Variants in SPOPL observed in about 807,000 individuals in gnomAD.
The protein encoded by SPOPL is speckle type BTB/POZ protein like, also known as speckle-type POZ protein-like.
Under a neutral mutation model 53.8 loss-of-function variants are expected in SPOPL, and 23 were observed. The ratio of observed to expected loss-of-function variants is 0.43; its 90% confidence interval spans 0.31 to 0.61. The LOEUF (loss-of-function observed/expected upper bound fraction) is 0.61. Among genes scored for constraint, SPOPL ranks in the 20% least tolerant of loss-of-function variants. The pLI is 0.12. For missense variants in SPOPL, 442 were observed against 466.9 expected, an observed-to-expected ratio of 0.95 and a Z score of 0.49; for synonymous variants, 164 against 149.7, an observed-to-expected ratio of 1.10 and a Z score of -0.70.
chr2:138,559,289 T>G lies in SPOPL; in HGVS notation c.666T>G (p.Ser222=). The G allele has an allele frequency of 6.2e-7, 1 of 1,613,022 alleles. No homozygotes were observed. Among genetic ancestry groups the G allele is most frequent in the South Asian group, 1.1e-5 (1 of 90,758 alleles). The part of the protein sequence containing the change: ...KAHKSVLAAR[S]PVFNAMFEHE... ...TACATAATCTTGTTACAGCTCGATC[T>G]CCAGTTTTTAACGCCATGTTTGAAC... Residue 222 remains serine (S), a synonymous_variant, in exon 7 of 11, where the codon TCT becomes TCG. Transcript: ENST00000280098.
chr2:138,531,686 A>G (rs1251264800), intron 1 of SPOPL, among the ~76,000 whole-genome samples: 1 of 152,096 alleles, frequency 6.6e-6, no homozygotes, highest in Non-Finnish European at 1.5e-5. Context: ...TGTTTAGTCT[A>G]TTCAACTTAT....
At chr2:138,523,121 G>A (rs1447156815) in intron 1 of SPOPL, among the ~76,000 whole-genome samples, 3 of 152,124 alleles carry the variant, frequency 2.0e-5, no homozygotes, top group Admixed American at 6.5e-5. Context: ...ACCTGAGACC[G>A]GGCAGTTTAC....
Position 138,522,248 on chromosome 2 carries a change from A to G in SPOPL, c.-61+20129A>G, listed in dbSNP as rs116684463. Among the ~76,000 whole-genome samples the G allele has an allele frequency of 9.6e-4, 146 of 152,288 alleles. 1 individual carries two copies. In the Middle Eastern group the frequency reaches 0.014, roughly 14 times the overall value. On this transcript the variant is annotated intron_variant, in intron 1 of 10. Transcript: ENST00000280098. ...GCTTTAGGACCACATGAAATTGCCA[A>G]TATTCTGCCTTTGACATACAAAAAT...
At chr2:138,564,600 C>G (rs1685618894) in intron 8 of SPOPL, 108 bp from the exon 9 acceptor site, 1 of 1,217,686 alleles carries the variant, frequency 8.2e-7, no homozygotes, top group Non-Finnish European at 1.1e-6. Flanking sequence ...TTAAAATAAT[C>G]TTAAATAATA....
intron 1 of SPOPL, among the ~76,000 whole-genome samples, chr2:138,546,269 A>G (rs929862471): frequency 6.6e-6 from 1 of 152,210 alleles, no homozygotes. Flanking sequence ...AGACTAGTTT[A>G]TATGATGGAA....
chr2:138,559,066 T>C lies in SPOPL; in HGVS notation c.525T>C (p.Asn175=). ...QDSVNISGHT[N]TNTLKVPECR... Reference sequence around the variant, plus strand: ...CAGTAAACATATCAGGACATACTAATACAAATACTTTGAAGGTGCCTGAGT... The same window carrying C: ...CAGTAAACATATCAGGACATACTAACACAAATACTTTGAAGGTGCCTGAGT... Residue 175 remains asparagine, a synonymous_variant, in exon 6 of 11, where the codon AAT becomes AAC. Transcript: ENST00000280098. 6.2e-7 allele frequency: 1 copy of C among 1,613,336 alleles called. No individual in the cohort carries two copies. Among genetic ancestry groups the C allele is most frequent in the African/African-American group, 1.3e-5 (1 of 75,036 alleles).
Position 138,539,744 on chromosome 2 carries a change from C to G in SPOPL, c.-60-10413C>G, listed in dbSNP as rs577683310. On this transcript the variant is annotated intron_variant, in intron 1 of 10. Coordinates refer to ENST00000280098, the MANE Select transcript of SPOPL (RefSeq NM_001001664.3). ...TAGTTTCTTTTGCTGTCCAGAAGCT[C>G]TTTAGTTTAATTAGATCCCATTTGT... Among the ~76,000 whole-genome samples, 38 of 152,286 alleles carry G rather than the reference C, an allele frequency of 2.5e-4. No homozygotes were observed. The South Asian group carries it at 7.5e-3, about 30-fold the overall frequency.
At chr2:138,524,360 A>G (rs1012232472) in intron 1 of SPOPL, among the ~76,000 whole-genome samples, 1 of 152,138 alleles carries the variant, frequency 6.6e-6, no homozygotes, top group African/African-American at 2.4e-5. Flanking sequence ...CAGGCCTGAG[A>G]TGGGAGGGGC....
intron 5 of SPOPL, among the ~76,000 whole-genome samples, chr2:138,554,975 T>G (rs1685390190): frequency 1.3e-5 from 2 of 152,160 alleles, no homozygotes; most frequent in Non-Finnish European, 2.9e-5. Context: ...AACAGAATTT[T>G]TATTGGCTCA....
chr2:138,516,601 A>C (rs1296495981), intron 1 of SPOPL, among the ~76,000 whole-genome samples: 1 of 151,968 alleles, frequency 6.6e-6, no homozygotes, highest in African/African-American at 2.4e-5. Flanking sequence ...TAGTGAAGAA[A>C]ACTGTGGAGG....
intron 1 of SPOPL, among the ~76,000 whole-genome samples, chr2:138,524,384 T>C (rs996567665): frequency 1.3e-5 from 2 of 152,238 alleles, no homozygotes; most frequent in African/African-American, 4.8e-5. Flanking sequence ...TGCAAAGGTC[T>C]CTGACATGCC....
At chr2:138,554,368 C>T in intron 5 of SPOPL, 3 of 926,910 alleles carry the variant, frequency 3.2e-6, no homozygotes, top group Non-Finnish European at 4.2e-6. Flanking sequence ...GCAAAAGGTA[C>T]TTTTAACTAA....
At chr2:138,527,674 C>T (rs979769225) in intron 1 of SPOPL, among the ~76,000 whole-genome samples, 30 of 152,214 alleles carry the variant, frequency 2.0e-4, no homozygotes, top group Middle Eastern at 3.4e-3. Flanking sequence ...TTTTTTTCTT[C>T]CCATTTTGGA....
intron 1 of SPOPL, among the ~76,000 whole-genome samples, chr2:138,509,566 C>T (rs1489746374): frequency 6.6e-6 from 1 of 151,826 alleles, no homozygotes; most frequent in African/African-American, 2.4e-5. Context: ...CTCCCCTCCT[C>T]GAACCCCCCA....
At chr2:138,537,654 G>A (rs985360425) in intron 1 of SPOPL, among the ~76,000 whole-genome samples, 11 of 152,168 alleles carry the variant, frequency 7.2e-5, no homozygotes, top group Non-Finnish European at 1.6e-4. Context: ...TCCTGTCACA[G>A]GAGGACATTG....
intron 8 of SPOPL, 174 bp from the exon 9 acceptor site, chr2:138,564,534 A>C (rs1030254529): frequency 1.4e-5 from 9 of 659,294 alleles, no homozygotes; most frequent in Non-Finnish European, 2.1e-5. Context: ...TCTTTCTTCT[A>C]AGTGCATTTG....
At chr2:138,512,948 C>G (rs1684358465) in intron 1 of SPOPL, among the ~76,000 whole-genome samples, 1 of 152,126 alleles carries the variant, frequency 6.6e-6, no homozygotes, top group African/African-American at 2.4e-5. Context: ...TTGTTTTAAT[C>G]CTCGTAACTA....
At chr2:138,512,567 T>G (rs1684348784) in intron 1 of SPOPL, among the ~76,000 whole-genome samples, 1 of 152,220 alleles carries the variant, frequency 6.6e-6, no homozygotes, top group African/African-American at 2.4e-5. Flanking sequence ...ATGATTTTGT[T>G]GGTTCACCTT....
Position 138,555,129 on chromosome 2 carries a change from AGGGTGT to A in SPOPL, c.480+2450_480+2455del, listed in dbSNP as rs1685393724. ...AGAGTGGGGGTTGTTGGAGGGTAGG[AGGGTGT>A]GTGTGTGTGTGTGTGTGTGTGTGTG... is the stretch of plus-strand genomic sequence containing the variant. On this transcript the variant is annotated intron_variant, in intron 5 of 10. Transcript: ENST00000280098. Among the ~76,000 whole-genome samples the A allele has an allele frequency of 4.9e-5, 3 of 60,944 alleles. No homozygotes were observed. In the South Asian group the frequency reaches 1.9e-3, roughly 38 times the overall value. 40.0% of individuals were successfully genotyped at this position (60,944 alleles called of 152,430 possible).
Sources: gnomAD v4.1 joint callset for allele counts (sites outside exome capture counted in the v4.1 genomes callset) on GRCh38, gnomAD v4.1.1 for gene constraint, MANE v1.5 for transcripts, NCBI Gene and HGNC (gene_info 2026-07-23, HGNC 2026-07-21) for gene names.